Variants in BASP1 observed in about 807,000 individuals in gnomAD.
The protein encoded by BASP1 is brain abundant membrane attached signal protein 1, also known as brain acid soluble protein 1.
BASP1 carries 1 observed loss-of-function variant against 2.2 expected under a neutral mutation model. That is an observed-to-expected ratio of 0.46 (90% CI 0.16 to 2.17). The LOEUF (loss-of-function observed/expected upper bound fraction) is 2.17, where lower values mean the gene tolerates loss of function less well. Among genes scored for constraint, BASP1 ranks in the 30% most tolerant of loss-of-function variants. BASP1 has a pLI of 0.27. For missense variants in BASP1, 352 were observed against 327.2 expected (o/e 1.08, Z -0.58); for synonymous variants, 187 against 154.2 (o/e 1.21, Z -1.58).
In BASP1 at chr5:17,275,441, G is replaced by T; in HGVS notation, c.225G>T (p.Ala75=). 6.5e-7 allele frequency: 1 copy of T among 1,526,952 alleles called. No individual in the cohort carries two copies. Among genetic ancestry groups the T allele is most frequent in the Non-Finnish European group, 8.8e-7 (1 of 1,138,468 alleles). 94.6% of individuals were successfully genotyped at this position (1,526,952 alleles called of 1,614,324 possible). ...KAEEKEGEKD[A]AAAKEEAPKA... ...AGGAGAAGGAGGGCGAGAAGGACGC[G>T]GCGGCTGCCAAGGAGGAGGCCCCGA... Residue 75 remains alanine (A), a synonymous_variant, in exon 2 of 2, where the codon GCG becomes GCT. Coordinates refer to ENST00000322611, the MANE Select transcript of BASP1 (RefSeq NM_006317.5). This position sits in a 1 kb window ranked among gnomAD's most constrained non-coding sequence, Gnocchi z 5.3.
At chr5:17,234,803 TC>T (rs1739709157) in intron 1 of BASP1, among the ~76,000 whole-genome samples, 2 of 152,354 alleles carry the variant, frequency 1.3e-5, no homozygotes, top group East Asian at 1.9e-4. Flanking sequence ...ACTACTCCGA[TC>T]AATTATATTC....
chr5:17,245,738 G>A (rs1397427686), intron 1 of BASP1, among the ~76,000 whole-genome samples: 2 of 151,896 alleles, frequency 1.3e-5, no homozygotes, highest in Non-Finnish European at 2.9e-5. Flanking sequence ...TTGCTGGAGT[G>A]GCTGAAGGAA....
chr5:17,249,822 G>T (rs752394904), intron 1 of BASP1, among the ~76,000 whole-genome samples: 2 of 152,006 alleles, frequency 1.3e-5, no homozygotes, highest in African/African-American at 4.8e-5. Flanking sequence ...TTGACCATTT[G>T]TAAGGCTTCT....
chr5:17,269,426 A>G (rs1740488472), intron 1 of BASP1, among the ~76,000 whole-genome samples: 1 of 152,148 alleles, frequency 6.6e-6, no homozygotes, highest in Admixed American at 6.5e-5. Flanking sequence ...GGCTGGTGTG[A>G]TGAATAATCA....
intron 1 of BASP1, among the ~76,000 whole-genome samples, chr5:17,238,906 A>C (rs1293371174): frequency 6.6e-6 from 1 of 152,136 alleles, no homozygotes; most frequent in Non-Finnish European, 1.5e-5. Context: ...CTTTCCCTTC[A>C]AGAGGACTTC....
rs956176963 is a variant in BASP1, at chr5:17,236,913, A to G, written c.-10+19103A>G. ...TAAAACAAAATTCTGTATATTTAAA[A>G]AGCTGCTTGCGCTACTGTGTCATTC... On this transcript the variant is annotated intron_variant, in intron 1 of 1. Coordinates refer to ENST00000322611, the MANE Select transcript of BASP1 (RefSeq NM_006317.5). This position sits in a 1 kb window ranked among gnomAD's most constrained non-coding sequence, Gnocchi z 4.0. 6.6e-6 allele frequency among the ~76,000 whole-genome samples: 1 copy of G among 152,224 alleles called. No individual in the cohort carries two copies. The highest frequency in any genetic ancestry group is 1.5e-5 in the Non-Finnish European group (1 of 68,036).
intron 1 of BASP1, among the ~76,000 whole-genome samples, chr5:17,221,366 T>G (rs1414284018): frequency 1.5e-4 from 8 of 54,604 alleles, no homozygotes; most frequent in African/African-American, 5.8e-4. Context: ...CTTGTAAATG[T>G]TTTTTTTTTT....
chr5:17,222,718 A>T (rs1448446262), intron 1 of BASP1, among the ~76,000 whole-genome samples: 1 of 152,172 alleles, frequency 6.6e-6, no homozygotes, highest in Non-Finnish European at 1.5e-5. Context: ...TAACATAAAA[A>T]ATTATTTCTT....
At chr5:17,216,927 G>A (rs1739246072), upstream of BASP1, 1 of 152,622 alleles carries the variant, frequency 6.6e-6, no homozygotes, top group South Asian at 2.1e-4. This position sits in a 1 kb window ranked among gnomAD's most constrained non-coding sequence, Gnocchi z 6.4. Flanking sequence ...CGTCGGGAGC[G>A]GGCTGGACTG....
intron 1 of BASP1, among the ~76,000 whole-genome samples, chr5:17,247,964 T>C (rs1470751323): frequency 6.6e-6 from 1 of 152,204 alleles, no homozygotes; most frequent in Admixed American, 6.5e-5. Flanking sequence ...TAGGCCACCA[T>C]GGAGTTGACT....
chr5:17,267,663 C>T lies in BASP1; in HGVS notation c.-9-7545C>T, dbSNP rs117767906. Reference sequence around the variant, plus strand: ...CCTCCCAAATAGCTGGGACTATAGACGCACGCCACTGCACCTGGCTAATTT... The same window carrying T: ...CCTCCCAAATAGCTGGGACTATAGATGCACGCCACTGCACCTGGCTAATTT... On this transcript the variant is annotated intron_variant, in intron 1 of 1. Coordinates refer to ENST00000322611, the MANE Select transcript of BASP1 (RefSeq NM_006317.5). 1.6e-4 allele frequency among the ~76,000 whole-genome samples: 25 copies of T among 151,688 alleles called. No individual in the cohort carries two copies. The East Asian group carries it at 4.7e-3, about 28-fold the overall frequency.
chr5:17,266,623 A>G (rs985969522), intron 1 of BASP1, among the ~76,000 whole-genome samples: 1 of 152,166 alleles, frequency 6.6e-6, no homozygotes, highest in Non-Finnish European at 1.5e-5. Context: ...CTTGGCCAAC[A>G]TGGTGAAACC....
rs1019153683 is a variant in BASP1 at position 17,251,807 on chromosome 5, G to A, written c.-9-23401G>A. On this transcript the variant is annotated intron_variant, in intron 1 of 1. Transcript: ENST00000322611. The surrounding 1 kb of genome is among the most constrained non-coding windows in gnomAD (Gnocchi z 4.0). ...TTGGGAGGGAGCAGAGGAGAAAGAA[G>A]GTTCGGGTAGGTGAGAAAGGTAGTG... Among the ~76,000 whole-genome samples, 1 of 152,162 alleles carries A rather than the reference G, an allele frequency of 6.6e-6. No homozygotes were observed. The highest frequency in any genetic ancestry group is 2.4e-5 in the African/African-American group (1 of 41,410).
At chr5:17,259,248 G>A (rs1050683344) in intron 1 of BASP1, among the ~76,000 whole-genome samples, 1 of 152,106 alleles carries the variant, frequency 6.6e-6, no homozygotes, top group Non-Finnish European at 1.5e-5. Context: ...ATCAACTCTC[G>A]TGAGACTCAT....
intron 1 of BASP1, among the ~76,000 whole-genome samples, chr5:17,257,448 A>G (rs756842264): frequency 2.0e-5 from 3 of 152,214 alleles, no homozygotes; most frequent in Non-Finnish European, 4.4e-5. Context: ...TCTATTCTAC[A>G]TGAATGGAGC....
At chr5:17,229,273 A>C (rs1410889562) in intron 1 of BASP1, among the ~76,000 whole-genome samples, 4 of 152,152 alleles carry the variant, frequency 2.6e-5, no homozygotes, top group African/African-American at 9.7e-5. Flanking sequence ...AGAGAGGAAA[A>C]GGCACCTGTG....
intron 1 of BASP1, among the ~76,000 whole-genome samples, chr5:17,227,457 A>T (rs1227554919): frequency 6.6e-6 from 1 of 151,912 alleles, no homozygotes; most frequent in Non-Finnish European, 1.5e-5. Context: ...GCTGGAGTGC[A>T]GTGGCACGAT....
At position 17,275,606 on chromosome 5, in the gene BASP1, C is replaced by G. The variant is rs777161157; in HGVS notation, c.390C>G (p.Ala130=). The change falls in exon 2 of 2, where the codon GCC becomes GCG. Residue 130 remains alanine (A), a synonymous_variant. Transcript: ENST00000322611. This position sits in a 1 kb window ranked among gnomAD's most constrained non-coding sequence, Gnocchi z 5.3. ...CTGCTGAGGCCGCCGCGGCCCCGGC[C>G]GAGAGCGCGGCCCCTGCCGCCGGGG... is the stretch of plus-strand genomic sequence containing the variant. ...PKAAEAAAAP[A]ESAAPAAGEE... The G allele has an allele frequency of 3.5e-3, 4,971 of 1,425,726 alleles. 18 individuals are homozygous for G. Among genetic ancestry groups the G allele is most frequent in the Non-Finnish European group, 4.2e-3 (4,641 of 1,093,084 alleles). The allele number at this position is 1,425,726 out of a possible 1,614,324, so 88.3% of individuals were successfully genotyped here. A position where few individuals can be genotyped will look rare whatever the true frequency, so the allele number is the denominator to read the frequency against.
intron 1 of BASP1, among the ~76,000 whole-genome samples, chr5:17,244,263 A>G (rs1381726135): frequency 6.6e-6 from 1 of 152,352 alleles, no homozygotes; most frequent in East Asian, 1.9e-4. Flanking sequence ...TAAGTGATCT[A>G]CTTTAACATC....
Sources: allele counts gnomAD v4.1 joint callset (sites outside exome capture counted in the v4.1 genomes callset), GRCh38; gene constraint gnomAD v4.1.1; non-coding constraint Gnocchi (gnomAD v3.1); transcripts MANE v1.5; gene names NCBI Gene and HGNC (gene_info 2026-07-23, HGNC 2026-07-21).